Variants in CHCHD6 observed in about 807,000 individuals in gnomAD.
CHCHD6 encodes the protein coiled-coil-helix-coiled-coil-helix domain containing 6.
In CHCHD6, 28 loss-of-function variants were observed where a neutral mutation model predicts 32.3. The observed-to-expected ratio is 0.87, with a 90% confidence interval of 0.64 to 1.19. CHCHD6 has a LOEUF of 1.19. CHCHD6 is among the 50% of genes most tolerant of loss of function. CHCHD6 has a pLI of 0.00. For missense variants in CHCHD6, 333 were observed against 307.0 expected (o/e 1.08, Z -0.63); for synonymous variants, 122 against 117.5 (o/e 1.04, Z -0.25).
chr3:126,920,490 A>G lies in CHCHD6; in HGVS notation c.566+5740A>G, dbSNP rs555314588. The stretch of plus-strand genomic sequence containing the variant: ...GTCCCTCTTTCTTGGTGAGCTCTAA[A>G]CCACATTTTTGTTTTCTCGGCTCTG... On this transcript the variant is annotated intron_variant, in intron 6 of 7. Coordinates refer to ENST00000290913, the MANE Select transcript of CHCHD6 (RefSeq NM_032343.3). 5.3e-5 allele frequency among the ~76,000 whole-genome samples: 8 copies of G among 151,846 alleles called. No individual in the cohort carries two copies. The East Asian group carries it at 1.6e-3, about 30-fold the overall frequency.
chr3:126,803,153 C>T (rs1197931267), intron 4 of CHCHD6, among the ~76,000 whole-genome samples: 1 of 151,954 alleles, frequency 6.6e-6, no homozygotes, highest in Non-Finnish European at 1.5e-5. Context: ...GAAACTGCAT[C>T]AACTAACGAG....
intron 4 of CHCHD6, among the ~76,000 whole-genome samples, chr3:126,779,996 C>G (rs1483603441): frequency 1.3e-5 from 2 of 152,154 alleles, no homozygotes; most frequent in Non-Finnish European, 2.9e-5. Context: ...AGAGAATATT[C>G]CTTTTGGTCA....
chr3:126,752,737 C>G (rs562201777), intron 4 of CHCHD6, among the ~76,000 whole-genome samples: 2 of 152,182 alleles, frequency 1.3e-5, no homozygotes, highest in Non-Finnish European at 2.9e-5. Context: ...GCCCCTTTAG[C>G]GCGGCTTGCT....
intron 4 of CHCHD6, among the ~76,000 whole-genome samples, chr3:126,760,284 T>A (rs1401248641): frequency 1.3e-5 from 2 of 152,232 alleles, no homozygotes; most frequent in Admixed American, 6.5e-5. Context: ...TCCAACAATT[T>A]TCTGCCCATT....
At chr3:126,902,518 C>T (rs926902248) in intron 5 of CHCHD6, among the ~76,000 whole-genome samples, 3 of 152,002 alleles carry the variant, frequency 2.0e-5, no homozygotes, top group African/African-American at 4.8e-5. Context: ...AGATCGAGAC[C>T]ATCCTGGCTA....
At chr3:126,956,627 G>T (rs997583655) in intron 6 of CHCHD6, among the ~76,000 whole-genome samples, 13 of 150,992 alleles carry the variant, frequency 8.6e-5, no homozygotes, top group Non-Finnish European at 1.5e-4. Context: ...GAGAGAGAGA[G>T]AAATCTGGAA....
At chr3:126,826,425 G>A (rs1017275643) in intron 4 of CHCHD6, among the ~76,000 whole-genome samples, 3 of 152,186 alleles carry the variant, frequency 2.0e-5, no homozygotes, top group African/African-American at 7.2e-5. Flanking sequence ...TTTGGCAGTA[G>A]CAAGTATTCA....
At chr3:126,829,906 T>C (rs1217023503) in intron 4 of CHCHD6, among the ~76,000 whole-genome samples, 1 of 152,108 alleles carries the variant, frequency 6.6e-6, no homozygotes, top group Non-Finnish European at 1.5e-5. Context: ...AAGACCAGCC[T>C]GGCCAACATG....
chr3:126,812,613 G>A (rs1939711545), intron 4 of CHCHD6, among the ~76,000 whole-genome samples: 1 of 150,456 alleles, frequency 6.6e-6, no homozygotes, highest in South Asian at 2.1e-4. Context: ...TGTATTTTTA[G>A]TAGAGGTGGG....
rs980486895 is a variant in CHCHD6, at chr3:126,737,512, G to A, written c.411+4290G>A. On this transcript the variant is annotated intron_variant, in intron 4 of 7. Coordinates refer to ENST00000290913, the MANE Select transcript of CHCHD6 (RefSeq NM_032343.3). ...TAAATGGAAATAAGAGACAGCTTCT[G>A]ACCTTGAGAAGATGTGTTTATTAGG... Among the ~76,000 whole-genome samples, 4 of 151,676 alleles carry A rather than the reference G, an allele frequency of 2.6e-5. No homozygotes were observed. In the South Asian group the frequency reaches 8.4e-4, roughly 32 times the overall value.
At chr3:126,752,737 C>T (rs562201777) in intron 4 of CHCHD6, among the ~76,000 whole-genome samples, 31 of 152,182 alleles carry the variant, frequency 2.0e-4, no homozygotes, top group African/African-American at 3.1e-4. Flanking sequence ...GCCCCTTTAG[C>T]GCGGCTTGCT....
chr3:126,952,397 T>C (rs1254862598), intron 6 of CHCHD6, among the ~76,000 whole-genome samples: 2 of 152,204 alleles, frequency 1.3e-5, no homozygotes, highest in African/African-American at 2.4e-5. Context: ...CCTGCTGGGC[T>C]GCATGGCAGG....
chr3:126,838,936 C>T (rs891113372), intron 4 of CHCHD6, among the ~76,000 whole-genome samples: 2 of 150,866 alleles, frequency 1.3e-5, no homozygotes, highest in African/African-American at 2.4e-5. Context: ...TTGCTCAGCC[C>T]GGCATGCAGT....
chr3:126,719,338 A>G (rs559881454), intron 1 of CHCHD6, among the ~76,000 whole-genome samples: 15 of 152,216 alleles, frequency 9.9e-5, no homozygotes, highest in Non-Finnish European at 2.1e-4. Context: ...GCGTCTTAAC[A>G]GGAATGTCAC....
At chr3:126,773,077 G>T (rs534945021) in intron 4 of CHCHD6, among the ~76,000 whole-genome samples, 6 of 151,806 alleles carry the variant, frequency 4.0e-5, no homozygotes, top group Admixed American at 6.6e-5. Context: ...CTTCTGGCTT[G>T]CAGGGTTTCT....
At chr3:126,780,630 G>A (rs55954409) in intron 4 of CHCHD6, among the ~76,000 whole-genome samples, 14,063 of 152,206 alleles carry the variant, frequency 0.092, 833 homozygotes, top group Middle Eastern at 0.21. Context: ...ACTTGCAGTG[G>A]CCTTGATGGC....
intron 2 of CHCHD6, among the ~76,000 whole-genome samples, chr3:126,729,232 C>T (rs1415417618): frequency 2.0e-5 from 3 of 152,044 alleles, no homozygotes; most frequent in African/African-American, 7.2e-5. Context: ...TTGACAAAGT[C>T]CTAGTAATCT....
At chr3:126,753,550 A>G (rs1443705339) in intron 4 of CHCHD6, among the ~76,000 whole-genome samples, 1 of 152,204 alleles carries the variant, frequency 6.6e-6, no homozygotes, top group Non-Finnish European at 1.5e-5. Flanking sequence ...TGGCATCAGC[A>G]GAGAGTTTGT....
At chr3:126,920,134 C>T (rs1156668508) in intron 6 of CHCHD6, among the ~76,000 whole-genome samples, 1 of 150,818 alleles carries the variant, frequency 6.6e-6, no homozygotes, top group Non-Finnish European at 1.5e-5. Context: ...TTTATTGTGT[C>T]AAGTGTGCCT....
Sources: gnomAD v4.1 joint callset for allele counts (sites outside exome capture counted in the v4.1 genomes callset) on GRCh38, gnomAD v4.1.1 for gene constraint, MANE v1.5 for transcripts, NCBI Gene and HGNC (gene_info 2026-07-23, HGNC 2026-07-21) for gene names.